The following PCCA variants were observed in gnomAD, a reference collection of about 807,000 sequenced individuals.
The protein encoded by PCCA is propionyl-CoA carboxylase alpha chain, mitochondrial.
Under a neutral mutation model 101.3 loss-of-function variants are expected in PCCA, and 74 were observed. The observed-to-expected ratio is 0.73, with a 90% CI of 0.61 to 0.89. The LOEUF (loss-of-function observed/expected upper bound fraction) is 0.89, where lower values mean the gene tolerates loss of function less well. PCCA is among the 40% of genes least tolerant of loss of function. The pLI is 0.00. For synonymous variants in PCCA, 294 were observed against 313.6 expected (o/e 0.94, Z 0.66); for missense variants, 891 against 907.0 (o/e 0.98, Z 0.23).
chr13:100,288,307 A>G (rs528815866), intron 12 of PCCA, among the ~76,000 whole-genome samples: 1 of 151,882 alleles, frequency 6.6e-6, no homozygotes, highest in Non-Finnish European at 1.5e-5. Flanking sequence ...TTGTTTGTTT[A>G]TTTTTAGAGA....
At chr13:100,247,072 C>A (rs1594912107) in intron 8 of PCCA, among the ~76,000 whole-genome samples, 1 of 151,884 alleles carries the variant, frequency 6.6e-6, no homozygotes, top group Middle Eastern at 3.4e-3. Context: ...CCATGCCCGA[C>A]CAAGTTTTAT....
In PCCA at chr13:100,229,334, G is replaced by A. The variant is rs180893727; in HGVS notation, c.601-6508G>A. On this transcript the variant is annotated intron_variant, in intron 7 of 23. Coordinates refer to ENST00000376285, the MANE Select transcript of PCCA (RefSeq NM_000282.4). ...AGTAAAGTAGAGGTTCCTCTTCAAA[G>A]ACTTTCCTCCCCATCTAATTAGGAA... Among the ~76,000 whole-genome samples the A allele has an allele frequency of 2.0e-3, 300 of 152,278 alleles. 2 individuals carry two copies. The highest frequency in any genetic ancestry group is 3.7e-3 in the Admixed American group (56 of 15,296).
At chr13:100,098,186 T>C (rs891312741) in intron 1 of PCCA, among the ~76,000 whole-genome samples, 1 of 152,066 alleles carries the variant, frequency 6.6e-6, no homozygotes, top group Non-Finnish European at 1.5e-5. Flanking sequence ...TGGGCAAACA[T>C]AGTGAGACCC....
At chr13:100,316,607 T>A (rs2067373327) in intron 16 of PCCA, among the ~76,000 whole-genome samples, 1 of 152,206 alleles carries the variant, frequency 6.6e-6, no homozygotes, top group Non-Finnish European at 1.5e-5. Context: ...GTTCAAATTG[T>A]CATTAACTAT....
At chr13:100,200,179 A>G (rs2058382725) in intron 6 of PCCA, among the ~76,000 whole-genome samples, 1 of 152,100 alleles carries the variant, frequency 6.6e-6, no homozygotes, top group African/African-American at 2.4e-5. Context: ...ATCTTGGCTC[A>G]CTGCAAGCTC....
intron 19 of PCCA, among the ~76,000 whole-genome samples, chr13:100,415,895 A>G (rs1462457890): frequency 6.6e-6 from 1 of 152,248 alleles, no homozygotes; most frequent in Non-Finnish European, 1.5e-5. Flanking sequence ...TAGAAGCTAT[A>G]ATATTTTAAC....
At chr13:100,205,569 T>G (rs1381601959) in intron 6 of PCCA, among the ~76,000 whole-genome samples, 1 of 133,522 alleles carries the variant, frequency 7.5e-6, no homozygotes, top group East Asian at 2.2e-4. Context: ...CAATTTTACA[T>G]TTTTGGGTGA....
At chr13:100,105,071 T>G (rs1594102538) in intron 2 of PCCA, among the ~76,000 whole-genome samples, 1 of 152,306 alleles carries the variant, frequency 6.6e-6, no homozygotes, top group South Asian at 2.1e-4. Flanking sequence ...TCTCAATATC[T>G]AAAATGTTAT....
At chr13:100,293,766 G>A (rs1404396976) in intron 12 of PCCA, among the ~76,000 whole-genome samples, 1 of 152,174 alleles carries the variant, frequency 6.6e-6, no homozygotes, top group South Asian at 2.1e-4. Context: ...AGGATAGAAG[G>A]TAGGATGTGT....
intron 1 of PCCA, among the ~76,000 whole-genome samples, chr13:100,093,647 C>T (rs887138994): frequency 6.6e-6 from 1 of 152,156 alleles, no homozygotes; most frequent in South Asian, 2.1e-4. Context: ...GGTGTGGTAG[C>T]TCACGCCTGC....
chr13:100,508,680 G>A (rs572868947), intron 21 of PCCA, among the ~76,000 whole-genome samples: 94 of 152,312 alleles, frequency 6.2e-4, no homozygotes, highest in African/African-American at 1.7e-3. Flanking sequence ...TCACTGAGGC[G>A]TGTTGGTTTT....
Position 100,157,233 on chromosome 13 carries a change from T to G in PCCA, c.415-54T>G, listed in dbSNP as rs373585908. The G allele has an allele frequency of 1.1e-3, 1,417 of 1,268,828 alleles. 1 individual carries two copies. Among genetic ancestry groups the G allele is most frequent in the Non-Finnish European group, 1.5e-3 (1,294 of 867,274 alleles). The allele number at this position is 1,268,828 out of a possible 1,614,324, so 78.6% of individuals were successfully genotyped here. On this transcript the variant is annotated intron_variant, in intron 5 of 23. Transcript: ENST00000376285. The stretch of plus-strand genomic sequence containing the variant: ...ATAAATGCACTGTACATTTTGCTTA[T>G]AAAGCTTTTGCAATATGATAAAATT...
chr13:100,452,396 G>T (rs146003012), intron 21 of PCCA, among the ~76,000 whole-genome samples: 1 of 152,080 alleles, frequency 6.6e-6, no homozygotes, highest in East Asian at 1.9e-4. Context: ...AGCAGGAAAA[G>T]GAGTCCTTTG....
chr13:100,477,789 CCCCTGAGT>C (rs1286004549), intron 21 of PCCA, among the ~76,000 whole-genome samples: 6 of 152,122 alleles, frequency 3.9e-5, no homozygotes, highest in Non-Finnish European at 8.8e-5. Flanking sequence ...TTACCCTTCA[CCCCTGAGT>C]CCTGATTTCT....
intron 6 of PCCA, among the ~76,000 whole-genome samples, chr13:100,208,736 T>C (rs112831196): frequency 3.4e-4 from 52 of 152,252 alleles, no homozygotes; most frequent in African/African-American, 1.2e-3. Context: ...GAAACTGAAC[T>C]CTACCCAGTT....
chr13:100,405,241 C>T (rs2077604844), intron 19 of PCCA, among the ~76,000 whole-genome samples: 2 of 152,150 alleles, frequency 1.3e-5, no homozygotes, highest in Non-Finnish European at 2.9e-5. Context: ...CTATTTATTC[C>T]CATCCCCTGG....
intron 12 of PCCA, among the ~76,000 whole-genome samples, chr13:100,282,371 G>T (rs1348017344): frequency 6.6e-6 from 1 of 152,244 alleles, no homozygotes; most frequent in Non-Finnish European, 1.5e-5. Flanking sequence ...TCAGCCCACC[G>T]CTGCACTGTG....
At chr13:100,270,391 A>G (rs1224594258) in intron 11 of PCCA, among the ~76,000 whole-genome samples, 2 of 152,178 alleles carry the variant, frequency 1.3e-5, no homozygotes. Context: ...ATGTCTTGCA[A>G]TTTTCTGTTT....
At chr13:100,091,532 T>C (rs947625929) in intron 1 of PCCA, among the ~76,000 whole-genome samples, 8 of 152,202 alleles carry the variant, frequency 5.3e-5, no homozygotes, top group Non-Finnish European at 1.0e-4. Context: ...GCTGCTTAGC[T>C]TCTCTCTGCG....
Sources: gnomAD v4.1 joint callset for allele counts (sites outside exome capture counted in the v4.1 genomes callset) on GRCh38, gnomAD v4.1.1 for gene constraint, MANE v1.5 for transcripts, NCBI Gene and HGNC (gene_info 2026-07-23, HGNC 2026-07-21) for gene names.